The following ATP8A1 variants were observed in gnomAD, a reference collection of about 807,000 sequenced individuals.
ATP8A1 encodes the protein ATPase phospholipid transporting 8A1.
A neutral mutation model predicts 177.7 loss-of-function variants in ATP8A1; 90 were observed. The observed-to-expected ratio is 0.51, with a 90% CI of 0.43 to 0.60. ATP8A1 has a LOEUF of 0.60. ATP8A1 is among the 20% of genes least tolerant of loss of function. The probability of loss-of-function intolerance (pLI) is 0.00; values close to 1 mark genes in which losing one functional copy is unlikely to be tolerated. For synonymous variants in ATP8A1, 493 were observed against 485.9 expected, an observed-to-expected ratio of 1.01 and a Z score of -0.19; for missense variants, 1,072 against 1,392.8, an observed-to-expected ratio of 0.77 and a Z score of 3.67.
At chr4:42,483,895 G>A (rs183405063) in intron 25 of ATP8A1, among the ~76,000 whole-genome samples, 21 of 152,188 alleles carry the variant, frequency 1.4e-4, no homozygotes, top group Non-Finnish European at 4.4e-5. Flanking sequence ...TTTATGTGTC[G>A]CACTGCGCCC....
chr4:42,581,198 A>G (rs1733010611), intron 10 of ATP8A1, among the ~76,000 whole-genome samples: 1 of 151,752 alleles, frequency 6.6e-6, no homozygotes, highest in South Asian at 2.1e-4. Context: ...CAGTGGCGCG[A>G]TCTCGGCTCA....
intron 14 of ATP8A1, 44 bp from the exon 15 acceptor site, chr4:42,569,249 C>G: frequency 1.3e-6 from 2 of 1,512,352 alleles, no homozygotes; most frequent in Non-Finnish European, 1.8e-6. Context: ...GAAAAATAAT[C>G]ACAGAAAGGC....
chr4:42,494,235 G>A (rs1278863511), intron 24 of ATP8A1, among the ~76,000 whole-genome samples: 5 of 151,132 alleles, frequency 3.3e-5, no homozygotes, highest in Non-Finnish European at 5.9e-5. Context: ...CACTTTGGGA[G>A]GCCGAGGCGG....
intron 24 of ATP8A1, among the ~76,000 whole-genome samples, chr4:42,495,768 G>C (rs1001532545): frequency 6.6e-6 from 1 of 152,022 alleles, no homozygotes; most frequent in African/African-American, 2.4e-5. Flanking sequence ...AGAAGGTGAA[G>C]TCATTAAAAA....
At chr4:42,619,529 G>T (rs754499159) in intron 4 of ATP8A1, among the ~76,000 whole-genome samples, 3 of 151,762 alleles carry the variant, frequency 2.0e-5, no homozygotes, top group Non-Finnish European at 4.4e-5. Context: ...AAAGCATCAA[G>T]AGTTAAAATG....
chr4:42,629,493 G>A (rs575426514), intron 1 of ATP8A1, among the ~76,000 whole-genome samples: 1 of 152,256 alleles, frequency 6.6e-6, no homozygotes, highest in Non-Finnish European at 1.5e-5. Context: ...TGAAAGCAGG[G>A]AGTGAGGCTC....
At chr4:42,558,276 T>C (rs1246063512) in intron 15 of ATP8A1, among the ~76,000 whole-genome samples, 1 of 152,222 alleles carries the variant, frequency 6.6e-6, no homozygotes, top group Non-Finnish European at 1.5e-5. Flanking sequence ...TTAGTCAAAC[T>C]TTCACAAATA....
intron 20 of ATP8A1, among the ~76,000 whole-genome samples, chr4:42,537,739 A>G (rs1727993004): frequency 6.6e-6 from 1 of 152,210 alleles, no homozygotes; most frequent in Non-Finnish European, 1.5e-5. Flanking sequence ...AAACTACAAA[A>G]CACTGCTGAA....
intron 6 of ATP8A1, among the ~76,000 whole-genome samples, chr4:42,593,219 A>C (rs1329984037): frequency 6.6e-6 from 1 of 152,078 alleles, no homozygotes; most frequent in East Asian, 1.9e-4. Flanking sequence ...CAATGACAAT[A>C]AGCTCTCCCT....
chr4:42,635,718 TAAG>T (rs780432954), intron 1 of ATP8A1, among the ~76,000 whole-genome samples: 1 of 141,902 alleles, frequency 7.0e-6, no homozygotes, highest in Non-Finnish European at 1.5e-5. Flanking sequence ...TACAGAAGCT[TAAG>T]AATATATACA....
At chr4:42,496,332 G>A (rs564888134) in intron 24 of ATP8A1, among the ~76,000 whole-genome samples, 182 of 152,244 alleles carry the variant, frequency 1.2e-3, no homozygotes, top group African/African-American at 4.2e-3. Flanking sequence ...AAGCCCCCAT[G>A]GTAATTATTT....
chr4:42,569,150 A>G lies in ATP8A1; in HGVS notation c.1340+11T>C, dbSNP rs201941749. On this transcript the variant is annotated intron_variant, in intron 15 of 36. Transcript: ENST00000381668. ...AGGGATCAATGAGGCAGAAAGTTCCATAGAGCTTACCATTCATCAGGAGAG... is the reference window on the plus strand; with the variant it reads ...AGGGATCAATGAGGCAGAAAGTTCCGTAGAGCTTACCATTCATCAGGAGAG... 1,581 of 1,596,078 alleles carry G rather than the reference A, an allele frequency of 9.9e-4. 1 individual carries two copies. Among genetic ancestry groups the G allele is most frequent in the Admixed American group, 1.8e-3 (105 of 57,796 alleles).
rs188408145 is a variant in ATP8A1 at position 42,650,514 on chromosome 4, G to A, written c.49+6311C>T. On this transcript the variant is annotated intron_variant, in intron 1 of 36. Coordinates refer to ENST00000381668, the MANE Select transcript of ATP8A1 (RefSeq NM_006095.2). ...TTAGTCATCTTTTACCTGGAATAGCGTCCTAAAATTTTTCCTTTAAGGACA... is the reference window on the plus strand; with the variant it reads ...TTAGTCATCTTTTACCTGGAATAGCATCCTAAAATTTTTCCTTTAAGGACA... 2.2e-4 allele frequency among the ~76,000 whole-genome samples: 34 copies of A among 152,206 alleles called. No individual in the cohort carries two copies. The East Asian group carries it at 4.1e-3, about 18-fold the overall frequency.
intron 6 of ATP8A1, among the ~76,000 whole-genome samples, chr4:42,598,122 T>G (rs1734894778): frequency 1.3e-5 from 2 of 152,152 alleles, no homozygotes; most frequent in Non-Finnish European, 2.9e-5. Flanking sequence ...ATTGCTCTTC[T>G]TCAAATATTT....
At chr4:42,653,160 TCCCCCAGATCC>T (rs1741278080) in intron 1 of ATP8A1, among the ~76,000 whole-genome samples, 1 of 152,072 alleles carries the variant, frequency 6.6e-6, no homozygotes. Flanking sequence ...GGAACACCCT[TCCCCCAGATCC>T]CCACCAGGCC....
Position 42,448,401 on chromosome 4 carries a change from CT to C in ATP8A1, c.2897-1758del, listed in dbSNP as rs1226963744. On this transcript the variant is annotated intron_variant, in intron 30 of 36. Coordinates refer to ENST00000381668, the MANE Select transcript of ATP8A1 (RefSeq NM_006095.2). Reference sequence around the variant, plus strand: ...CTCCCTCCCTCCTTCTCTTTCTTTTCTTTTTTTTTTTTTTGAGATGGAGTCT... The same window carrying C: ...CTCCCTCCCTCCTTCTCTTTCTTTTCTTTTTTTTTTTTTGAGATGGAGTCT... 7.0e-5 allele frequency among the ~76,000 whole-genome samples: 7 copies of C among 99,572 alleles called. 1 individual carries two copies. Among genetic ancestry groups the C allele is most frequent in the African/African-American group, 1.7e-4 (5 of 28,988 alleles). 65.3% of individuals were successfully genotyped at this position (99,572 alleles called of 152,430 possible). A position where few individuals can be genotyped will look rare whatever the true frequency, so the allele number is the denominator to read the frequency against.
chr4:42,537,132 C>CAAA (rs201979731), intron 20 of ATP8A1, among the ~76,000 whole-genome samples: 4 of 99,304 alleles, frequency 4.0e-5, no homozygotes, highest in South Asian at 3.3e-4. Context: ...AACTCCGTCT[C>CAAA]AAAAAAAAAA....
rs561892706 is a variant in ATP8A1, at chr4:42,630,459, G to A, written c.50-3350C>T. Among the ~76,000 whole-genome samples the A allele has an allele frequency of 2.0e-5, 3 of 152,282 alleles. No homozygotes were observed. The East Asian group carries it at 5.8e-4, about 29-fold the overall frequency. On this transcript the variant is annotated intron_variant, in intron 1 of 36. Transcript: ENST00000381668. ...CCCTCACAGAAAGCAAGGGGAAGGC[G>A]AGTGCCGTTCTTGATCTGGTAACAG...
chr4:42,503,620 T>C (rs1241668057), intron 23 of ATP8A1, 106 bp from the exon 24 acceptor site: 18 of 702,222 alleles, frequency 2.6e-5, no homozygotes, highest in Non-Finnish European at 3.6e-5. Context: ...GATTTTATAA[T>C]GACTGAGGGC....
Sources: gnomAD v4.1 joint callset for allele counts (sites outside exome capture counted in the v4.1 genomes callset) on GRCh38, gnomAD v4.1.1 for gene constraint, MANE v1.5 for transcripts, NCBI Gene and HGNC (gene_info 2026-07-23, HGNC 2026-07-21) for gene names.